The following PCGF5 variants were observed in gnomAD, a reference collection of about 807,000 sequenced individuals.
PCGF5 encodes the protein polycomb group RING finger protein 5.
In PCGF5, 9 loss-of-function variants were observed where a neutral mutation model predicts 44.3. The observed-to-expected ratio is 0.20, with a 90% CI of 0.12 to 0.35. PCGF5 has a LOEUF of 0.35. Among genes scored for constraint, PCGF5 ranks in the 10% least tolerant of loss-of-function variants. The pLI, the probability that PCGF5 is intolerant of heterozygous loss-of-function variation, is 1.00. For missense variants in PCGF5, 146 were observed against 305.3 expected (o/e 0.48, Z 3.89); for synonymous variants, 95 against 102.5 (o/e 0.93, Z 0.44).
At chr10:91,164,731 C>G (rs1001129595) in intron 1 of PCGF5, among the ~76,000 whole-genome samples, 2 of 152,176 alleles carry the variant, frequency 1.3e-5, no homozygotes, top group Non-Finnish European at 2.9e-5. Context: ...ATAAAGTTTT[C>G]TCATCATTTA....
At chr10:91,217,860 C>T (rs543387335), upstream of PCGF5, among the ~76,000 whole-genome samples, 2 of 152,324 alleles carry the variant, frequency 1.3e-5, no homozygotes, top group African/African-American at 2.4e-5. Context: ...GATCTTGGCT[C>T]ACTGCAACCT....
intron 8 of PCGF5, among the ~76,000 whole-genome samples, chr10:91,264,757 G>A (rs1846005834): frequency 6.6e-6 from 1 of 152,068 alleles, no homozygotes; most frequent in Non-Finnish European, 1.5e-5. Context: ...ATCTAAATAT[G>A]TTCAGGACTC....
intron 6 of PCGF5, among the ~76,000 whole-genome samples, chr10:91,254,902 A>G (rs749520368): frequency 1.3e-5 from 2 of 152,134 alleles, no homozygotes; most frequent in Non-Finnish European, 2.9e-5. Context: ...AACTATCAGT[A>G]TAAAGGGTGA....
intron 1 of PCGF5, among the ~76,000 whole-genome samples, chr10:91,169,273 T>C (rs1361017907): frequency 6.6e-6 from 1 of 152,290 alleles, no homozygotes; most frequent in Non-Finnish European, 1.5e-5. Context: ...AAGAAGTTAC[T>C]TGTGGGAAAA....
chr10:91,232,785 TGGAGAGTGAGGATGGAGGA>T (rs1845047164), intron 2 of PCGF5, among the ~76,000 whole-genome samples: 1 of 150,686 alleles, frequency 6.6e-6, no homozygotes, highest in African/African-American at 2.5e-5. Flanking sequence ...AGGTCCTCAG[TGGAGAGTGAGGATGGAGGA>T]GGATATGTTG....
At chr10:91,217,062 C>A (rs576251693), upstream of PCGF5, among the ~76,000 whole-genome samples, 1 of 151,760 alleles carries the variant, frequency 6.6e-6, no homozygotes, top group African/African-American at 2.4e-5. Context: ...GACAGAGTCT[C>A]TCGCTCTGTC....
At chr10:91,190,030 C>T (rs1357168480) in intron 1 of PCGF5, among the ~76,000 whole-genome samples, 1 of 152,128 alleles carries the variant, frequency 6.6e-6, no homozygotes, top group African/African-American at 2.4e-5. Flanking sequence ...CAACAAAGCA[C>T]CACAAACTGT....
At chr10:91,267,028 A>G (rs1846063183) in intron 8 of PCGF5, among the ~76,000 whole-genome samples, 1 of 152,144 alleles carries the variant, frequency 6.6e-6, no homozygotes, top group Admixed American at 6.6e-5. Context: ...TGTTTAATTT[A>G]GGTAAAATTC....
At chr10:91,164,427 C>G (rs1478145234) in intron 1 of PCGF5, among the ~76,000 whole-genome samples, 4 of 152,190 alleles carry the variant, frequency 2.6e-5, no homozygotes, top group Admixed American at 2.6e-4. Context: ...AGCGCTGGTT[C>G]GCTGCAGGGC....
At chr10:91,167,366 A>T (rs569558951) in intron 1 of PCGF5, among the ~76,000 whole-genome samples, 1 of 152,336 alleles carries the variant, frequency 6.6e-6, no homozygotes, top group African/African-American at 2.4e-5. Flanking sequence ...GCTGTTTTAC[A>T]TGGGAGAACT....
chr10:91,262,360 G>T (rs1465607849), intron 7 of PCGF5, among the ~76,000 whole-genome samples: 1 of 151,982 alleles, frequency 6.6e-6, no homozygotes, highest in Non-Finnish European at 1.5e-5. Context: ...CCTGGGAGGC[G>T]GAGGTTGCAG....
chr10:91,191,004 C>T lies in PCGF5; in HGVS notation c.-184+27923C>T, dbSNP rs180795307. The stretch of plus-strand genomic sequence containing the variant: ...AAATACTTACAGGTTTTGTCAAAAT[C>T]CTTACGCTGACAGTTACAGTAGTTC... On this transcript the variant is annotated intron_variant, in intron 1 of 9. Transcript: ENST00000614189. Among the ~76,000 whole-genome samples, 1,007 of 152,254 alleles carry T rather than the reference C, an allele frequency of 6.6e-3. 10 individuals are homozygous for T. Among genetic ancestry groups the T allele is most frequent in the African/African-American group, 0.023 (967 of 41,530 alleles).
At chr10:91,186,198 C>G (rs1009295801) in intron 1 of PCGF5, among the ~76,000 whole-genome samples, 2 of 152,160 alleles carry the variant, frequency 1.3e-5, no homozygotes, top group Admixed American at 6.5e-5. Flanking sequence ...CAGCTGTACC[C>G]TCAGGTTGCC....
intron 3 of PCGF5, among the ~76,000 whole-genome samples, chr10:91,244,155 GTGT>G (rs1292680103): frequency 1.3e-5 from 2 of 152,226 alleles, no homozygotes; most frequent in Non-Finnish European, 2.9e-5. Context: ...AAAGAGGAAA[GTGT>G]TGTGAGGTGA....
At chr10:91,166,374 G>T (rs907858688) in intron 1 of PCGF5, among the ~76,000 whole-genome samples, 16 of 152,070 alleles carry the variant, frequency 1.1e-4, no homozygotes, top group African/African-American at 3.9e-4. Context: ...TTGGATAAAT[G>T]GGTTTTAAGT....
intron 1 of PCGF5, among the ~76,000 whole-genome samples, chr10:91,177,307 T>C (rs1306330776): frequency 6.6e-6 from 1 of 152,172 alleles, no homozygotes; most frequent in African/African-American, 2.4e-5. Context: ...GAGGCGTCAC[T>C]CTGCCCCTAC....
In PCGF5 at chr10:91,249,395, A is replaced by G. The variant is rs932770825; in HGVS notation, c.325+671A>G. 1.8e-4 allele frequency among the ~76,000 whole-genome samples: 25 copies of G among 142,272 alleles called. No individual in the cohort carries two copies. The East Asian group carries it at 3.7e-3, about 21-fold the overall frequency. 93.3% of individuals were successfully genotyped at this position (142,272 alleles called of 152,430 possible). On this transcript the variant is annotated intron_variant, in intron 5 of 9. Coordinates refer to ENST00000336126, the MANE Select transcript of PCGF5 (RefSeq NM_032373.5). ...TGTATATATATATATATATATATAT[A>G]TATATATATATATATATATATATAT...
intron 9 of PCGF5, among the ~76,000 whole-genome samples, chr10:91,273,239 G>C (rs1462058181): frequency 6.6e-6 from 1 of 152,182 alleles, no homozygotes; most frequent in Admixed American, 6.5e-5. Context: ...TGAGATTTGT[G>C]TATATCCGAG....
chr10:91,172,418 C>G (rs1843625677), intron 1 of PCGF5, among the ~76,000 whole-genome samples: 1 of 148,518 alleles, frequency 6.7e-6, no homozygotes, highest in African/African-American at 2.5e-5. Context: ...AACTCCCCTT[C>G]AGAGAAAAAA....
Sources: allele counts gnomAD v4.1 joint callset (sites outside exome capture counted in the v4.1 genomes callset), GRCh38; gene constraint gnomAD v4.1.1; transcripts MANE v1.5; gene names NCBI Gene and HGNC (gene_info 2026-07-23, HGNC 2026-07-21).